TRIM23: variants seen among roughly 807,000 people sequenced by gnomAD.
TRIM23 encodes E3 ubiquitin-protein ligase TRIM23.
In TRIM23, 27 loss-of-function variants were observed where a neutral mutation model predicts 71.0. That is an observed-to-expected ratio of 0.38 (90% CI 0.28 to 0.52). The LOEUF (loss-of-function observed/expected upper bound fraction) is 0.52, where lower values mean the gene tolerates loss of function less well. Ranked by LOEUF, TRIM23 falls within the 20% of genes least tolerant of loss-of-function variation. TRIM23 has a pLI of 0.84. For missense variants in TRIM23, 482 were observed against 692.3 expected (o/e 0.70, Z 3.41); for synonymous variants, 234 against 238.0 (o/e 0.98, Z 0.16).
intron 5 of TRIM23, among the ~76,000 whole-genome samples, chr5:65,609,819 A>G (rs1754606540): frequency 6.6e-6 from 1 of 152,230 alleles, no homozygotes; most frequent in Non-Finnish European, 1.5e-5. Flanking sequence ...CTGTTTATAA[A>G]TGACATCTCA....
At chr5:65,620,341 CA>C (rs1363728718) in intron 1 of TRIM23, among the ~76,000 whole-genome samples, 1 of 151,964 alleles carries the variant, frequency 6.6e-6, no homozygotes, top group Non-Finnish European at 1.5e-5. Context: ...ACACGTGTGA[CA>C]AAATCTGTAT....
At chr5:65,623,645 G>C (rs945774982) in intron 1 of TRIM23, among the ~76,000 whole-genome samples, 1 of 152,140 alleles carries the variant, frequency 6.6e-6, no homozygotes, top group Non-Finnish European at 1.5e-5. Flanking sequence ...CTACTAACAG[G>C]GGAGGGGGCA....
intron 3 of TRIM23, 143 bp from the exon 4 acceptor site, chr5:65,612,024 C>G: frequency 1.3e-6 from 1 of 775,194 alleles, no homozygotes; most frequent in East Asian, 2.7e-5. Context: ...GAACAAAGGT[C>G]ATTCAATACT....
chr5:65,617,839 T>C (rs1754815144), intron 2 of TRIM23, among the ~76,000 whole-genome samples: 1 of 152,204 alleles, frequency 6.6e-6, no homozygotes, highest in African/African-American at 2.4e-5. Context: ...GGTAGCACGT[T>C]TTTCTCAGGT....
Position 65,591,575 on chromosome 5 carries a change from C to A in TRIM23, c.*194G>T, listed in dbSNP as rs960104754. The stretch of plus-strand genomic sequence containing the variant: ...TCTATTTAATTCAATCTAATCTGCT[C>A]AATTAGAAATTTAATTCTGCCACAA... On this transcript the variant is annotated 3_prime_UTR_variant, in exon 11 of 11. Coordinates refer to ENST00000231524, the MANE Select transcript of TRIM23 (RefSeq NM_001656.4). The A allele has an allele frequency of 4.5e-6, 6 of 1,329,202 alleles. No individual in the cohort carries two copies. The African/African-American group carries it at 7.9e-5, about 18-fold the overall frequency. The allele number at this position is 1,329,202 out of a possible 1,614,324, so 82.3% of individuals were successfully genotyped here.
At position 65,610,743 on chromosome 5, in the gene TRIM23, C is replaced by T. The variant is rs1754627807; in HGVS notation, c.828+118G>A. 4 of 793,238 alleles carry T rather than the reference C, an allele frequency of 5.0e-6. No homozygotes were observed. In the East Asian group the frequency reaches 8.9e-5, roughly 18 times the overall value. The allele number at this position is 793,238 out of a possible 1,614,324, so 49.1% of individuals were successfully genotyped here. ...CTGAAAGACAGGGACTTTTAAAAAA[C>T]TTTCTAATGATTGGTGCAATACTGG... On this transcript the variant is annotated intron_variant, in intron 5 of 10. Transcript: ENST00000231524.
intron 1 of TRIM23, among the ~76,000 whole-genome samples, chr5:65,621,178 C>T (rs1226938110): frequency 6.6e-6 from 1 of 152,130 alleles, no homozygotes; most frequent in African/African-American, 2.4e-5. Context: ...TGGTGAAATC[C>T]CATCTCTACC....
Position 65,611,746 on chromosome 5 carries a change from G to C in TRIM23, c.502C>G (p.Leu168Val), listed in dbSNP as rs1402686533. The C allele has an allele frequency of 6.2e-6, 10 of 1,614,066 alleles. No homozygotes were observed. Among genetic ancestry groups the C allele is most frequent in the African/African-American group, 1.3e-5 (1 of 74,916 alleles). The part of the protein sequence containing the change: ...KTLAKHRRVP[L>V]ADKPHEKTMC... ...GTTTTCTCATGAGGTTTATCAGCTA[G>C]AGGAACTCGCCTGTGCTTTGCTAAT... Residue 168 changes from leucine (L) to valine (V), a missense_variant, in exon 4 of 11, where the codon CTA becomes GTA. By Grantham distance (32) the Leu-to-Val change is conservative. Transcript: ENST00000231524.
chr5:65,613,703 C>T (rs1754710533), intron 3 of TRIM23: 1 of 1,157,616 alleles, frequency 8.6e-7, no homozygotes, highest in Non-Finnish European at 1.1e-6. Context: ...GGCATTTTCC[C>T]CTCTGTATTA....
rs1754034917 is a variant in TRIM23 at position 65,591,723 on chromosome 5, A to C, written c.*46T>G. On this transcript the variant is annotated 3_prime_UTR_variant, in exon 11 of 11. Transcript: ENST00000231524. ...AATTTCTTAAAACATACTATGTGCA[A>C]AGTTACTTTTAACCACAAAACTTCA... 3 of 1,567,248 alleles carry C rather than the reference A, an allele frequency of 1.9e-6. No individual in the cohort carries two copies. Among genetic ancestry groups the C allele is most frequent in the Middle Eastern group, 1.7e-4 (1 of 5,856 alleles).
chr5:65,620,322 G>A (rs1463319820), intron 1 of TRIM23, among the ~76,000 whole-genome samples: 1 of 151,978 alleles, frequency 6.6e-6, no homozygotes, highest in Non-Finnish European at 1.5e-5. Context: ...TATCCTACAA[G>A]CATACTAGAC....
At chr5:65,592,307 C>T (rs1259253039) in intron 10 of TRIM23, among the ~76,000 whole-genome samples, 2 of 152,102 alleles carry the variant, frequency 1.3e-5, no homozygotes, top group African/African-American at 4.8e-5. Flanking sequence ...CTCACTGCAA[C>T]TTCTGCCTCC....
At chr5:65,607,710 A>C (rs1028297340) in intron 6 of TRIM23, among the ~76,000 whole-genome samples, 1 of 152,208 alleles carries the variant, frequency 6.6e-6, no homozygotes, top group Non-Finnish European at 1.5e-5. Flanking sequence ...TATTTCAGTA[A>C]CTATGAACAA....
At chr5:65,622,157 A>G (rs920966105) in intron 1 of TRIM23, among the ~76,000 whole-genome samples, 3 of 151,986 alleles carry the variant, frequency 2.0e-5, no homozygotes, top group African/African-American at 7.3e-5. Flanking sequence ...TTATTTCACA[A>G]TATCAGATTT....
Position 65,594,659 on chromosome 5 carries a change from AAT to A in TRIM23, c.1421-16_1421-15del. 1 of 1,539,250 alleles carries A rather than the reference AAT, an allele frequency of 6.5e-7. No individual in the cohort carries two copies. Among genetic ancestry groups the A allele is most frequent in the East Asian group, 2.3e-5 (1 of 42,794 alleles). On this transcript the variant is annotated splice_polypyrimidine_tract_variant and intron_variant, in intron 9 of 10. Coordinates refer to ENST00000231524, the MANE Select transcript of TRIM23 (RefSeq NM_001656.4). ...CAAACACAACAGCTACCCAAAAAAA[AAT>A]AAAAAAAACAAAAATAGTCACTTGC...
intron 10 of TRIM23, 143 bp downstream of exon 10, chr5:65,594,378 G>A: frequency 1.8e-6 from 2 of 1,126,646 alleles, no homozygotes; most frequent in African/African-American, 1.6e-5. Context: ...ACCCAGCACA[G>A]CATTTTCACA....
intron 5 of TRIM23, among the ~76,000 whole-genome samples, chr5:65,610,540 C>T (rs560891780): frequency 2.6e-5 from 4 of 152,334 alleles, no homozygotes; most frequent in South Asian, 2.1e-4. Flanking sequence ...CCCCGTTCTG[C>T]TCTTTTCCCT....
chr5:65,595,717 TTC>T (rs1754182351), intron 9 of TRIM23, among the ~76,000 whole-genome samples: 1 of 127,494 alleles, frequency 7.8e-6, no homozygotes, highest in African/African-American at 3.0e-5. Flanking sequence ...CAAAGCAAGA[TTC>T]TGTCTCAAAA....
intron 10 of TRIM23, among the ~76,000 whole-genome samples, 170 bp from the exon 11 acceptor site, chr5:65,592,118 G>A (rs1226031490): frequency 6.6e-6 from 1 of 152,148 alleles, no homozygotes; most frequent in Non-Finnish European, 1.5e-5. Flanking sequence ...GAAAAAATTA[G>A]TTTGGTTTAA....
Sources: gnomAD v4.1 joint callset for allele counts (sites outside exome capture counted in the v4.1 genomes callset) on GRCh38, gnomAD v4.1.1 for gene constraint, MANE v1.5 for transcripts, NCBI Gene and HGNC (gene_info 2026-07-23, HGNC 2026-07-21) for gene names.